The following MAN2B1 variants were observed in gnomAD, a reference collection of about 807,000 sequenced individuals.
MAN2B1 encodes the protein lysosomal alpha-mannosidase.
A neutral mutation model predicts 127.5 loss-of-function variants in MAN2B1; 99 were observed. The observed-to-expected ratio is 0.78, with a 90% CI of 0.66 to 0.92. The LOEUF (loss-of-function observed/expected upper bound fraction) is 0.92, where lower values mean the gene tolerates loss of function less well. MAN2B1 is among the 40% of genes least tolerant of loss of function. The probability of loss-of-function intolerance (pLI) is 0.00; values close to 1 mark genes in which losing one functional copy is unlikely to be tolerated. For synonymous variants in MAN2B1, 573 were observed against 568.8 expected, an observed-to-expected ratio of 1.01 and a Z score of -0.11; for missense variants, 1,304 against 1,384.8, an observed-to-expected ratio of 0.94 and a Z score of 0.93.
In MAN2B1 at chr19:12,656,979, G is replaced by A. The variant is rs1435258733; in HGVS notation, c.1497C>T (p.Ser499=). The change falls in exon 12 of 24, where the codon AGC becomes AGT. Residue 499 remains serine (S), a synonymous_variant. Transcript: ENST00000456935. ...HFTFCQQLNI[S]ICPLSQTAAR... is the part of the protein sequence containing the mutation. ...CCGCCGTCTGGCTGAGCGGGCAGATGCTGATGTTTAGCTGTTGGCAAAAGG... is the reference window on the plus strand; with the variant it reads ...CCGCCGTCTGGCTGAGCGGGCAGATACTGATGTTTAGCTGTTGGCAAAAGG... The A allele has an allele frequency of 6.2e-7, 1 of 1,613,676 alleles. No homozygotes were observed. Among genetic ancestry groups the A allele is most frequent in the Non-Finnish European group, 8.5e-7 (1 of 1,179,988 alleles).
chr19:12,660,956 A>G (rs1412933656), intron 7 of MAN2B1: 1 of 358,410 alleles, frequency 2.8e-6, no homozygotes, highest in East Asian at 7.1e-5. Flanking sequence ...ACAGCGTTTC[A>G]CCATGTTGGT....
intron 11 of MAN2B1, 33 bp downstream of exon 11, chr19:12,657,413 A>AC (rs1345178820): frequency 1.3e-6 from 2 of 1,521,154 alleles, no homozygotes; most frequent in South Asian, 2.4e-5. Flanking sequence ...TCCTGTCTCC[A>AC]CCCCCGTGTC....
chr19:12,651,056 A>G lies in MAN2B1; in HGVS notation c.2047-834T>C, dbSNP rs951933486. 7.5e-5 allele frequency among the ~76,000 whole-genome samples: 11 copies of G among 145,752 alleles called. 1 individual carries two copies. The Admixed American group carries it at 7.7e-4, about 10-fold the overall frequency. The stretch of plus-strand genomic sequence containing the variant: ...TGCTCCCACCTGGTCTTGAACTCCT[A>G]TGCTCAGCGATCCTCCTGCTTCAGT... On this transcript the variant is annotated intron_variant, in intron 16 of 23. Transcript: ENST00000456935.
intron 16 of MAN2B1, among the ~76,000 whole-genome samples, chr19:12,651,363 G>A (rs2023837887): frequency 6.6e-6 from 1 of 152,140 alleles, no homozygotes; most frequent in African/African-American, 2.4e-5. Flanking sequence ...GGCGGCTGGA[G>A]CTTCAGCAGC....
At chr19:12,661,905 C>T (rs2024114602) in intron 6 of MAN2B1, among the ~76,000 whole-genome samples, 1 of 151,850 alleles carries the variant, frequency 6.6e-6, no homozygotes, top group East Asian at 1.9e-4. Context: ...AGTGAAGTGA[C>T]GTGATCTCGG....
chr19:12,648,792 C>T (rs931576912), intron 20 of MAN2B1, among the ~76,000 whole-genome samples: 7 of 152,046 alleles, frequency 4.6e-5, no homozygotes, highest in Admixed American at 4.6e-4. Context: ...GTAAGGAGTT[C>T]GAGACCAGCC....
chr19:12,656,046 A>C, intron 13 of MAN2B1, 167 bp from the exon 14 acceptor site: 1 of 588,492 alleles, frequency 1.7e-6, no homozygotes, highest in Non-Finnish European at 3.0e-6. Context: ...TGCAGAGAAG[A>C]TTCACCAGGT....
intron 7 of MAN2B1, among the ~76,000 whole-genome samples, chr19:12,660,100 G>T (rs1166776680): frequency 2.0e-5 from 3 of 152,232 alleles, no homozygotes. Context: ...AATGATAACT[G>T]CCCAAAAGTG....
Position 12,647,781 on chromosome 19 carries a change from G to A in MAN2B1, c.2665-183C>T. On this transcript the variant is annotated intron_variant, in intron 21 of 23. Coordinates refer to ENST00000456935, the MANE Select transcript of MAN2B1 (RefSeq NM_000528.4). This position sits in a 1 kb window ranked among gnomAD's most constrained non-coding sequence, Gnocchi z 4.9. Reference sequence around the variant, plus strand: ...GGGAGGACTGAGCCAATGGGGAGATGGGTCGGTCCCAAGCTTAGGGTTCGA... The same window carrying A: ...GGGAGGACTGAGCCAATGGGGAGATAGGTCGGTCCCAAGCTTAGGGTTCGA... 1.6e-6 allele frequency: 1 copy of A among 613,724 alleles called. No homozygotes were observed. The highest frequency in any genetic ancestry group is 2.9e-6 in the Non-Finnish European group (1 of 348,832). The allele number at this position is 613,724 out of a possible 1,614,324, so 38.0% of individuals were successfully genotyped here.
intron 14 of MAN2B1, among the ~76,000 whole-genome samples, chr19:12,655,349 C>T (rs2023931071): frequency 6.6e-6 from 1 of 152,166 alleles, no homozygotes; most frequent in African/African-American, 2.4e-5. Flanking sequence ...GATCTCTCTT[C>T]CTTCAAATAG....
chr19:12,663,286 C>A, intron 6 of MAN2B1, 31 bp downstream of exon 6: 1 of 1,613,508 alleles, frequency 6.2e-7, no homozygotes, highest in Non-Finnish European at 8.5e-7. Context: ...TTGTATATAC[C>A]GGACTCGAAG....
At chr19:12,661,406 G>C (rs1489876548) in intron 6 of MAN2B1, 30 bp from the exon 7 acceptor site, 1 of 1,427,280 alleles carries the variant, frequency 7.0e-7, no homozygotes, top group East Asian at 2.3e-5. Context: ...CCTGAAGCCA[G>C]AGGATCCTGG....
Position 12,647,193 on chromosome 19 carries a change from T to C in MAN2B1, c.2923+40A>G, listed in dbSNP as rs1209996702. 2 of 1,559,638 alleles carry C rather than the reference T, an allele frequency of 1.3e-6. No homozygotes were observed. The highest frequency in any genetic ancestry group is 1.8e-6 in the Non-Finnish European group (2 of 1,130,696). On this transcript the variant is annotated intron_variant, in intron 23 of 23. Coordinates refer to ENST00000456935, the MANE Select transcript of MAN2B1 (RefSeq NM_000528.4). The surrounding 1 kb of genome is among the most constrained non-coding windows in gnomAD (Gnocchi z 4.9). ...ATTGCCCCCACCTGCCGGCCCCAGG[T>C]AAGACTCCACCCCTTCCCTACCCCT...
chr19:12,649,414 G>T lies in MAN2B1; in HGVS notation c.2282C>A (p.Pro761His). The change falls in exon 19 of 24, where the codon CCC becomes CAC. Residue 761 changes from proline (P) to histidine (H), a missense_variant. Physicochemically the swap from Pro to His is moderately conservative, Grantham distance 77 (BLOSUM62 -2). Coordinates refer to ENST00000456935, the MANE Select transcript of MAN2B1 (RefSeq NM_000528.4). ...EILERRRDYR[P>H]TWKLNQTEPV... ...CTCCGTCTGGTTCAGTTTCCAGGTG[G>T]GTCGATAATCCCGCCTGGGGTTGGG... 1 of 1,611,960 alleles carries T rather than the reference G, an allele frequency of 6.2e-7. No individual in the cohort carries two copies. Among genetic ancestry groups the T allele is most frequent in the Non-Finnish European group, 8.5e-7 (1 of 1,179,194 alleles).
intron 14 of MAN2B1, among the ~76,000 whole-genome samples, chr19:12,654,288 T>C (rs2023911064): frequency 6.6e-6 from 1 of 151,888 alleles, no homozygotes; most frequent in Non-Finnish European, 1.5e-5. Context: ...GTGATCTGCC[T>C]GCCTCGGCCT....
At position 12,647,600 on chromosome 19, in the gene MAN2B1, T is replaced by C; in HGVS notation, c.2665-2A>G. 6.4e-7 allele frequency: 1 copy of C among 1,571,600 alleles called. No individual in the cohort carries two copies. On this transcript the variant is annotated splice_acceptor_variant, in intron 21 of 23. Coordinates refer to ENST00000456935, the MANE Select transcript of MAN2B1 (RefSeq NM_000528.4). LOFTEE classifies it high-confidence loss of function. This position sits in a 1 kb window ranked among gnomAD's most constrained non-coding sequence, Gnocchi z 4.9. ...CAGGTCCCTGCGCAGCCCTGAGAAC[T>C]GCGGGAGAGAGGGCGGGGCTGAGTT...
Position 12,663,727 on chromosome 19 carries a change from G to T in MAN2B1, c.739C>A (p.Pro247Thr). 1.2e-6 allele frequency: 2 copies of T among 1,613,282 alleles called. No homozygotes were observed. Among genetic ancestry groups the T allele is most frequent in the Non-Finnish European group, 1.7e-6 (2 of 1,179,858 alleles). ...QVWRASTSLK[P>T]PTADLFTGVL... ...CCAGTGAAGAGGTCCGCGGTCGGGG[G>T]CTTCAGGCTGGTGCTGGCCCGCCAC... The change falls in exon 5 of 24, where the codon CCC becomes ACC. Residue 247 changes from proline (P) to threonine (T), a missense_variant. Pro to Thr is a conservative substitution (Grantham distance 38, BLOSUM62 -1). Transcript: ENST00000456935.
At chr19:12,651,392 G>A (rs1019593546) in intron 16 of MAN2B1, among the ~76,000 whole-genome samples, 6 of 152,118 alleles carry the variant, frequency 3.9e-5, no homozygotes, top group African/African-American at 9.7e-5. Flanking sequence ...ACCATGAGGT[G>A]GAAACTGAAT....
chr19:12,650,120 C>A lies in MAN2B1; in HGVS notation c.2149G>T (p.Gly717Trp). 6.2e-7 allele frequency: 1 copy of A among 1,614,088 alleles called. No individual in the cohort carries two copies. Among genetic ancestry groups the A allele is most frequent in the South Asian group, 1.1e-5 (1 of 91,076 alleles). The change falls in exon 17 of 24, where the codon GGG becomes TGG. Residue 717 changes from glycine (G) to tryptophan (W), a missense_variant. Transcript: ENST00000456935. ...QRHLELEWSV[G>W]PIPVGDTWGK... Reference sequence around the variant, plus strand: ...GCCACTCACCCCACAGGTATCGGCCCCACCGACCACTCTAGCTCCAGGTGC... The same window carrying A: ...GCCACTCACCCCACAGGTATCGGCCACACCGACCACTCTAGCTCCAGGTGC...
Sources: allele counts gnomAD v4.1 joint callset (sites outside exome capture counted in the v4.1 genomes callset), GRCh38; gene constraint gnomAD v4.1.1; non-coding constraint Gnocchi (gnomAD v3.1); transcripts MANE v1.5; gene names NCBI Gene and HGNC (gene_info 2026-07-23, HGNC 2026-07-21).